The following DNAH12 variants were observed in gnomAD, a reference collection of about 807,000 sequenced individuals.
DNAH12 encodes the protein dynein axonemal heavy chain 12, also known as axonemal beta dynein heavy chain 12.
In DNAH12, 285 loss-of-function variants were observed where a neutral mutation model predicts 371.5. The observed-to-expected ratio is 0.77, with a 90% CI of 0.70 to 0.85. The LOEUF (loss-of-function observed/expected upper bound fraction) is 0.85. DNAH12 is among the 40% of genes least tolerant of loss of function. DNAH12 has a pLI of 0.00. For missense variants in DNAH12, 3,611 were observed against 3,689.4 expected (o/e 0.98, Z 0.55); for synonymous variants, 1,200 against 1,213.0 (o/e 0.99, Z 0.22).
At chr3:57,325,024 G>A (rs1002922055) in intron 62 of DNAH12, among the ~76,000 whole-genome samples, 20 of 152,078 alleles carry the variant, frequency 1.3e-4, no homozygotes, top group Admixed American at 1.0e-3. Flanking sequence ...GGGAAGGGGC[G>A]CCCGCCATTG....
At chr3:57,358,718 A>G (rs911411964) in intron 58 of DNAH12, among the ~76,000 whole-genome samples, 1 of 152,188 alleles carries the variant, frequency 6.6e-6, no homozygotes. Flanking sequence ...TGCTATTTAA[A>G]CTTTGACTTT....
intron 2 of DNAH12, among the ~76,000 whole-genome samples, chr3:57,537,344 A>G (rs1457702203): frequency 2.6e-5 from 4 of 152,328 alleles, no homozygotes; most frequent in Non-Finnish European, 1.5e-5. Context: ...GCTTGAATCA[A>G]GAGATGAGGT....
chr3:57,361,444 C>CACTCTATATATATATATATATATATA (rs1409626573), intron 58 of DNAH12, among the ~76,000 whole-genome samples: 1 of 116,720 alleles, frequency 8.6e-6, no homozygotes, highest in African/African-American at 4.2e-5. Flanking sequence ...CACACACACA[C>CACTCTATATATATATATATATATATA]TATATATATA....
chr3:57,346,932 G>A (rs2062557187), intron 60 of DNAH12, among the ~76,000 whole-genome samples: 1 of 152,094 alleles, frequency 6.6e-6, no homozygotes, highest in South Asian at 2.1e-4. Context: ...CAGATAATAT[G>A]AATAGACCTG....
intron 57 of DNAH12, among the ~76,000 whole-genome samples, chr3:57,366,456 A>G (rs1187019293): frequency 6.6e-6 from 1 of 152,086 alleles, no homozygotes; most frequent in Non-Finnish European, 1.5e-5. Context: ...CTTGCATGAG[A>G]TCCAGCAACC....
intron 2 of DNAH12, among the ~76,000 whole-genome samples, chr3:57,526,393 T>C (rs754587620): frequency 2.0e-5 from 3 of 152,142 alleles, no homozygotes; most frequent in Non-Finnish European, 2.9e-5. Context: ...TCCATTCATC[T>C]GGGTTTTTTG....
At chr3:57,338,890 C>A (rs2062313653) in intron 60 of DNAH12, among the ~76,000 whole-genome samples, 1 of 152,198 alleles carries the variant, frequency 6.6e-6, no homozygotes, top group African/African-American at 2.4e-5. Flanking sequence ...AGACAACGAC[C>A]ATTGAGAATG....
chr3:57,435,663 A>G (rs971649899), intron 30 of DNAH12, among the ~76,000 whole-genome samples: 2 of 152,070 alleles, frequency 1.3e-5, no homozygotes, highest in Admixed American at 1.3e-4. Flanking sequence ...CAAGACTTAA[A>G]TAATCCTTGG....
chr3:57,370,539 A>T (rs2063149398), intron 55 of DNAH12, among the ~76,000 whole-genome samples: 3 of 152,212 alleles, frequency 2.0e-5, no homozygotes, highest in Non-Finnish European at 4.4e-5. Context: ...TTATAAACAG[A>T]CAAACTGTTA....
chr3:57,340,145 G>A (rs573712843), intron 60 of DNAH12, among the ~76,000 whole-genome samples: 96 of 151,612 alleles, frequency 6.3e-4, no homozygotes, highest in Non-Finnish European at 1.3e-3. Context: ...CACAACAAAA[G>A]CCATGTTTAT....
intron 37 of DNAH12, among the ~76,000 whole-genome samples, chr3:57,418,365 CAAAAAAAAAAAAAAAAA>C (rs57508616): frequency 2.3e-5 from 1 of 42,856 alleles, no homozygotes; most frequent in African/African-American, 8.6e-5. Context: ...CCTGTCTCTA[CAAAAAAAAAAAAAAAAA>C]AAAAAAAAAA....
intron 35 of DNAH12, among the ~76,000 whole-genome samples, chr3:57,424,425 C>G (rs6806889): frequency 6.9e-6 from 1 of 145,982 alleles, no homozygotes; most frequent in Admixed American, 6.8e-5. Context: ...GAGCTGAGAT[C>G]GCACCACTGC....
At chr3:57,531,514 C>A (rs1209547719) in intron 2 of DNAH12, among the ~76,000 whole-genome samples, 2 of 152,042 alleles carry the variant, frequency 1.3e-5, no homozygotes, top group Non-Finnish European at 2.9e-5. Flanking sequence ...GTAATCCCAG[C>A]ACTTTAGGAG....
chr3:57,389,602 G>A (rs999915131), intron 45 of DNAH12, among the ~76,000 whole-genome samples: 12 of 151,592 alleles, frequency 7.9e-5, no homozygotes, highest in Non-Finnish European at 1.3e-4. Context: ...CAACAAGATT[G>A]AGAGACAAAA....
intron 4 of DNAH12, among the ~76,000 whole-genome samples, chr3:57,521,117 C>T (rs1056389282): frequency 7.2e-6 from 1 of 138,622 alleles, no homozygotes; most frequent in Non-Finnish European, 1.5e-5. Flanking sequence ...ATTGTGCTTT[C>T]GAGGACATAC....
the DNAH12 span, among the ~76,000 whole-genome samples, chr3:57,555,614 G>C: frequency 1.3e-5 from 2 of 152,192 alleles, no homozygotes; most frequent in South Asian, 4.1e-4. Flanking sequence ...GTGTGACCCT[G>C]AGCAGGTAAT....
Position 57,454,827 on chromosome 3 carries a change from G to A in DNAH12, c.3404C>T (p.Ser1135Phe), listed in dbSNP as rs1254367380. The change falls in exon 23 of 74, where the codon TCT becomes TTT. Residue 1135 changes from serine (S) to phenylalanine (F), a missense_variant. This residue lies in a region of DNAH12 where 1,314 missense variants were observed against 1,398.7 expected (regional missense o/e 0.94). Transcript: ENST00000495027. ...TGTCTCAGATGTCCAGAACATTTGA[G>A]AAATACAAAGTACAACTTGGCCAGG... ...EWPGQVVLCISQMFWTSETQE... is the reference protein window; with the variant it reads ...EWPGQVVLCIFQMFWTSETQE... The A allele has an allele frequency of 3.9e-6, 6 of 1,551,344 alleles. No individual in the cohort carries two copies. In the East Asian group the frequency reaches 1.5e-4, roughly 38 times the overall value.
chr3:57,419,245 C>A, intron 37 of DNAH12, 122 bp downstream of exon 37: 2 of 994,156 alleles, frequency 2.0e-6, no homozygotes, highest in Non-Finnish European at 2.8e-6. Flanking sequence ...AACATGCCAA[C>A]AAGTCCCCCA....
chr3:57,532,620 GA>G (rs1210479451), intron 2 of DNAH12, among the ~76,000 whole-genome samples: 1 of 152,224 alleles, frequency 6.6e-6, no homozygotes, highest in Admixed American at 6.5e-5. Context: ...ATAAGATCCA[GA>G]AGTATTCTCT....
Sources: gnomAD v4.1 joint callset for allele counts (sites outside exome capture counted in the v4.1 genomes callset) on GRCh38, gnomAD v4.1.1 for gene constraint, gnomAD v4.1.1 regional missense constraint, MANE v1.5 for transcripts, NCBI Gene and HGNC (gene_info 2026-07-23, HGNC 2026-07-21) for gene names.